The following CEP152 variants were observed in gnomAD, a reference collection of about 807,000 sequenced individuals.
CEP152 encodes centrosomal protein of 152 kDa.
Under a neutral mutation model 188.9 loss-of-function variants are expected in CEP152, and 132 were observed. The ratio of observed to expected loss-of-function variants is 0.70; its 90% CI spans 0.61 to 0.81. The LOEUF is 0.81. Among genes scored for constraint, CEP152 ranks in the 30% least tolerant of loss-of-function variants. The pLI, the probability that CEP152 is intolerant of heterozygous loss-of-function variation, is 0.00. For synonymous variants in CEP152, 649 were observed against 666.6 expected, an observed-to-expected ratio of 0.97 and a Z score of 0.41; for missense variants, 1,914 against 1,969.8, an observed-to-expected ratio of 0.97 and a Z score of 0.54.
At chr15:48,749,872 T>C (rs528719734) in intron 21 of CEP152, among the ~76,000 whole-genome samples, 1 of 152,132 alleles carries the variant, frequency 6.6e-6, no homozygotes, top group South Asian at 2.1e-4. Context: ...ATTGGGTCAA[T>C]TGACAAAATT....
intron 5 of CEP152, among the ~76,000 whole-genome samples, chr15:48,796,670 T>C (rs1288439060): frequency 6.6e-6 from 1 of 152,076 alleles, no homozygotes; most frequent in African/African-American, 2.4e-5. Context: ...AAAAAATCCA[T>C]CCTGTCATTG....
intron 18 of CEP152, 32 bp from the exon 19 acceptor site, chr15:48,760,298 G>A: frequency 1.9e-6 from 3 of 1,612,912 alleles, no homozygotes; most frequent in Non-Finnish European, 2.5e-6. Flanking sequence ...AGAGGTAAAG[G>A]GAAGTATAAA....
chr15:48,765,636 A>ATTTTTTTTTTTTTTTT (rs34837739), intron 17 of CEP152: 21 of 189,476 alleles, frequency 1.1e-4, no homozygotes, highest in Admixed American at 6.8e-4. Flanking sequence ...GTTCTTGCCA[A>ATTTTTTTTTTTTTTTT]TTTTTTTTTT....
chr15:48,783,424 G>T (rs1896403996), intron 10 of CEP152: 1 of 152,022 alleles, frequency 6.6e-6, no homozygotes, highest in African/African-American at 2.4e-5. Context: ...TTATACAAAG[G>T]ATAGAACTAT....
At position 48,788,854 on chromosome 15, in the gene CEP152, C is replaced by G. The variant is rs188346136; in HGVS notation, c.1120G>C (p.Val374Leu). 35 of 1,614,206 alleles carry G rather than the reference C, an allele frequency of 2.2e-5. No homozygotes were observed. Among genetic ancestry groups the G allele is most frequent in the Non-Finnish European group, 2.8e-5 (33 of 1,180,030 alleles). ...MGLTKKYEEQVLSLQKNLDAT... is the reference protein window; with the variant it reads ...MGLTKKYEEQLLSLQKNLDAT... ...TCCAAATTCTTTTGTAAGGACAATA[C>G]TTGCTCTTCGTACTTCTTTGTGAGG... The change falls in exon 9 of 27, where the codon GTA (valine) becomes CTA (leucine). Residue 374 changes from valine (V) to leucine (L), a missense_variant. Coordinates refer to ENST00000380950, the MANE Select transcript of CEP152 (RefSeq NM_001194998.2).
Position 48,782,235 on chromosome 15 carries a change from A to T in CEP152, c.1322-5T>A. 1 of 1,613,448 alleles carries T rather than the reference A, an allele frequency of 6.2e-7. No individual in the cohort carries two copies. The highest frequency in any genetic ancestry group is 8.5e-7 in the Non-Finnish European group (1 of 1,179,506). ...GAGCCACCTCTTGTACTGACCCTGC[A>T]GAGGAAAGAACCATAGGATATACTG... On this transcript the variant is annotated splice_polypyrimidine_tract_variant and splice_region_variant and intron_variant, in intron 10 of 26. Transcript: ENST00000380950.
At position 48,805,752 on chromosome 15, in the gene CEP152, G is replaced by C. The variant is rs574309165; in HGVS notation, c.-7-96C>G. ...ATGCCATACATACACAAAGTGAAAAGACAGAAACAGACTGGGAGAAAATAT... is the reference window on the plus strand; with the variant it reads ...ATGCCATACATACACAAAGTGAAAACACAGAAACAGACTGGGAGAAAATAT... On this transcript the variant is annotated intron_variant, in intron 1 of 26. Transcript: ENST00000380950. 490 of 1,508,698 alleles carry C rather than the reference G, an allele frequency of 3.2e-4. 2 individuals carry two copies. The highest frequency in any genetic ancestry group is 8.9e-4 in the Admixed American group (49 of 54,874). The allele number at this position is 1,508,698 out of a possible 1,614,324, so 93.5% of individuals were successfully genotyped here.
chr15:48,790,596 C>T (rs963361565), intron 8 of CEP152, among the ~76,000 whole-genome samples: 2 of 152,070 alleles, frequency 1.3e-5, no homozygotes, highest in African/African-American at 2.4e-5. Context: ...AGACAAGTCT[C>T]GCTCTCGTCC....
chr15:48,768,230 T>C lies in CEP152; in HGVS notation c.2007A>G (p.Glu669=). The C allele has an allele frequency of 6.2e-7, 1 of 1,604,460 alleles. No individual in the cohort carries two copies. The highest frequency in any genetic ancestry group is 8.5e-7 in the Non-Finnish European group (1 of 1,171,248). ...TATATAGACCTTACCTATCCACAGC[T>C]TCTTGTTTGTCATGGTCAAAATCTT... ...MVQDFDHDKQ[E]AVDRCERTYQ... Residue 669 remains glutamate, a synonymous_variant, in exon 15 of 27, where the codon GAA becomes GAG. Coordinates refer to ENST00000380950, the MANE Select transcript of CEP152 (RefSeq NM_001194998.2).
Position 48,739,288 on chromosome 15 carries a change from G to T in CEP152, c.4094C>A (p.Ala1365Glu). The T allele has an allele frequency of 6.2e-7, 1 of 1,609,710 alleles. No individual in the cohort carries two copies. Residue 1365 changes from alanine to glutamate, a missense_variant and splice_region_variant, in exon 27 of 27, where the codon GCA becomes GAA. By Grantham distance (107) the Ala-to-Glu change is moderately radical. Coordinates refer to ENST00000380950, the MANE Select transcript of CEP152 (RefSeq NM_001194998.2). ...CAGCATCTCTGAAGTTAGGGGCAGT[G>T]CTATTATGTGCAAGGAAACACGAAA... is the stretch of plus-strand genomic sequence containing the variant. ...SKSQSKTTQS[A>E]LPLTSEMLIA...
intron 2 of CEP152, among the ~76,000 whole-genome samples, chr15:48,803,028 C>A (rs1315093059): frequency 6.6e-6 from 1 of 152,232 alleles, no homozygotes; most frequent in Non-Finnish European, 1.5e-5. Flanking sequence ...TCTCACAAAC[C>A]CTTAGCAGGG....
intron 6 of CEP152, among the ~76,000 whole-genome samples, 178 bp downstream of exon 6, chr15:48,795,832 T>C (rs533879147): frequency 6.6e-6 from 1 of 152,168 alleles, no homozygotes; most frequent in Non-Finnish European, 1.5e-5. Flanking sequence ...TTCATGTCAG[T>C]TTATTCATAA....
chr15:48,772,354 G>A (rs901063552), intron 13 of CEP152, 133 bp downstream of exon 13: 25 of 742,832 alleles, frequency 3.4e-5, no homozygotes, highest in Admixed American at 2.0e-4. Context: ...GAGGCTACAG[G>A]GAGCCATGTT....
At chr15:48,763,114 C>T (rs1488952075) in intron 17 of CEP152, among the ~76,000 whole-genome samples, 1 of 152,166 alleles carries the variant, frequency 6.6e-6, no homozygotes, top group Non-Finnish European at 1.5e-5. Flanking sequence ...CTCACTTGAA[C>T]ACATTAGAAT....
chr15:48,760,026 T>C (rs1894560654), intron 19 of CEP152, 109 bp downstream of exon 19: 8 of 1,420,118 alleles, frequency 5.6e-6, no homozygotes, highest in Non-Finnish European at 4.9e-6. Flanking sequence ...TGTATCAACA[T>C]GTTTATCCTT....
Position 48,756,275 on chromosome 15 carries a change from A to G in CEP152, c.2973T>C (p.Asn991=), listed in dbSNP as rs1458965917. The change falls in exon 20 of 27, where the codon AAT becomes AAC. Residue 991 remains asparagine (N), a synonymous_variant. Coordinates refer to ENST00000380950, the MANE Select transcript of CEP152 (RefSeq NM_001194998.2). The part of the protein sequence containing the change: ...QFLDDHRNKI[N]EVLAAAKEDF... ...CTTCTTTAGCTGCCGCAAGCACCTC[A>G]TTAATTTTATTTCGGTGATCATCTA... The G allele has an allele frequency of 3.2e-6, 5 of 1,583,116 alleles. No individual in the cohort carries two copies. In the Admixed American group the frequency reaches 9.2e-5, roughly 29 times the overall value.
At chr15:48,760,407 C>T (rs1894597091) in intron 18 of CEP152, 141 bp from the exon 19 acceptor site, 1 of 968,172 alleles carries the variant, frequency 1.0e-6, no homozygotes, top group African/African-American at 1.6e-5. Flanking sequence ...AAGTACCCTA[C>T]CTATCCCAAA....
chr15:48,766,363 T>G (rs1044574063), intron 17 of CEP152, among the ~76,000 whole-genome samples: 1 of 152,154 alleles, frequency 6.6e-6, no homozygotes, highest in Admixed American at 6.5e-5. Context: ...TGGTCCAAAG[T>G]GTGAAGGACA....
chr15:48,775,915 A>G (rs1895863770), intron 12 of CEP152, among the ~76,000 whole-genome samples: 1 of 21,166 alleles, frequency 4.7e-5, no homozygotes, highest in East Asian at 1.4e-3. Flanking sequence ...ATATCTCAAT[A>G]AAACAGTAAA....
Sources: gnomAD v4.1 joint callset for allele counts (sites outside exome capture counted in the v4.1 genomes callset) on GRCh38, gnomAD v4.1.1 for gene constraint, MANE v1.5 for transcripts, NCBI Gene and HGNC (gene_info 2026-07-23, HGNC 2026-07-21) for gene names.